The following THRB variants were observed in gnomAD, a reference collection of about 807,000 sequenced individuals.
The protein encoded by THRB is nuclear receptor subfamily 1 group A member 2.
A neutral mutation model predicts 47.8 loss-of-function variants in THRB; 12 were observed. The observed-to-expected ratio is 0.25, with a 90% CI of 0.16 to 0.41. The LOEUF (loss-of-function observed/expected upper bound fraction) is 0.41, where lower values mean the gene tolerates loss of function less well. Among genes scored for constraint, THRB ranks in the 10% least tolerant of loss-of-function variants. THRB has a pLI of 1.00. For synonymous variants in THRB, 218 were observed against 212.2 expected (o/e 1.03, Z -0.24); for missense variants, 348 against 589.2 (o/e 0.59, Z 4.24).
chr3:24,237,526 C>G (rs75646251), intron 3 of THRB, among the ~76,000 whole-genome samples: 3 of 152,144 alleles, frequency 2.0e-5, no homozygotes, highest in African/African-American at 7.2e-5. Flanking sequence ...TCATTGTCCT[C>G]TTCTCTCTCT....
intron 1 of THRB, among the ~76,000 whole-genome samples, chr3:24,419,651 G>A (rs1271384957): frequency 6.6e-6 from 1 of 151,906 alleles, no homozygotes; most frequent in Non-Finnish European, 1.5e-5. Flanking sequence ...GATGCAATCT[G>A]CAATTAGCTT....
intron 1 of THRB, among the ~76,000 whole-genome samples, chr3:24,446,351 G>A (rs1439441709): frequency 6.6e-6 from 1 of 152,066 alleles, no homozygotes; most frequent in Non-Finnish European, 1.5e-5. Flanking sequence ...TCCTCCTTCA[G>A]CTCTGGCCTC....
At chr3:24,354,301 A>G (rs1228760150) in intron 1 of THRB, among the ~76,000 whole-genome samples, 3 of 152,168 alleles carry the variant, frequency 2.0e-5, no homozygotes, top group African/African-American at 7.2e-5. Context: ...TGATGAAATA[A>G]TCTATACAAC....
chr3:24,456,470 G>A (rs1446644925), intron 1 of THRB, among the ~76,000 whole-genome samples: 1 of 151,934 alleles, frequency 6.6e-6, no homozygotes, highest in Non-Finnish European at 1.5e-5. Flanking sequence ...ATGAAATAGA[G>A]TTTTCTACAT....
chr3:24,320,653 T>C (rs2058423920), intron 2 of THRB, among the ~76,000 whole-genome samples: 1 of 152,076 alleles, frequency 6.6e-6, no homozygotes, highest in Non-Finnish European at 1.5e-5. Flanking sequence ...GTATTAAATA[T>C]CAAGTGTAAA....
intron 1 of THRB, among the ~76,000 whole-genome samples, chr3:24,391,905 G>A (rs977457456): frequency 1.2e-4 from 18 of 152,124 alleles, no homozygotes; most frequent in African/African-American, 4.3e-4. Flanking sequence ...TCACATCTTA[G>A]AGATGTGGAT....
intron 1 of THRB, among the ~76,000 whole-genome samples, chr3:24,350,180 G>C (rs556484407): frequency 5.3e-5 from 8 of 151,944 alleles, no homozygotes; most frequent in African/African-American, 1.9e-4. Context: ...ATCTATACAC[G>C]TCCACCAGAA....
intron 1 of THRB, among the ~76,000 whole-genome samples, chr3:24,363,379 T>C (rs940184896): frequency 1.3e-5 from 2 of 152,092 alleles, no homozygotes; most frequent in African/African-American, 2.4e-5. Context: ...CAAGAATAAA[T>C]CAGATAGAAT....
intron 4 of THRB, among the ~76,000 whole-genome samples, chr3:24,204,082 C>A (rs2044969543): frequency 6.6e-6 from 1 of 152,256 alleles, no homozygotes; most frequent in African/African-American, 2.4e-5. Context: ...CCTCTGGGGG[C>A]AGGGCATAGC....
chr3:24,223,174 C>T (rs2047327790), intron 4 of THRB, among the ~76,000 whole-genome samples: 1 of 152,216 alleles, frequency 6.6e-6, no homozygotes, highest in Admixed American at 6.5e-5. Flanking sequence ...AGGACCTCCA[C>T]CAATCAGGTT....
intron 2 of THRB, among the ~76,000 whole-genome samples, chr3:24,300,447 G>A (rs537829213): frequency 2.0e-5 from 3 of 152,172 alleles, no homozygotes; most frequent in African/African-American, 7.2e-5. Context: ...CCCAATTTCT[G>A]GGCATTCGCT....
chr3:24,327,701 T>C (rs544568709), intron 2 of THRB, among the ~76,000 whole-genome samples: 3 of 152,196 alleles, frequency 2.0e-5, no homozygotes, highest in Admixed American at 6.5e-5. Context: ...AAAGATGCTA[T>C]GGGATCAGAA....
At chr3:24,158,941 G>C (rs1057450912) in intron 5 of THRB, among the ~76,000 whole-genome samples, 1 of 152,036 alleles carries the variant, frequency 6.6e-6, no homozygotes, top group African/African-American at 2.4e-5. Context: ...TTAAAAGACG[G>C]CATGAATTAG....
intron 1 of THRB, among the ~76,000 whole-genome samples, chr3:24,433,567 C>T (rs377442100): frequency 3.3e-5 from 5 of 152,126 alleles, no homozygotes; most frequent in Admixed American, 6.5e-5. Context: ...TCATTTCTGA[C>T]GTCTGACCTC....
At chr3:24,190,386 T>C (rs1478060484) in intron 4 of THRB, 52 bp from the exon 5 acceptor site, 1 of 1,612,228 alleles carries the variant, frequency 6.2e-7, no homozygotes, top group African/African-American at 1.3e-5. Context: ...GTCAAGATTT[T>C]GCTGAGATGC....
chr3:24,308,765 A>G (rs2057537733), intron 2 of THRB, among the ~76,000 whole-genome samples: 2 of 152,156 alleles, frequency 1.3e-5, no homozygotes, highest in Admixed American at 6.5e-5. Flanking sequence ...TTAATTGAAT[A>G]TGTTTTCTTT....
At chr3:24,336,722 C>CCTTTTTTTTTTTTTTT (rs1167185445) in intron 2 of THRB, among the ~76,000 whole-genome samples, 2 of 135,960 alleles carry the variant, frequency 1.5e-5, no homozygotes, top group African/African-American at 2.7e-5. Context: ...AATTCTCATG[C>CCTTTTTTTTTTTTTTT]TTTTTTTTTT....
chr3:24,176,311 G>T (rs1035416480), intron 5 of THRB, among the ~76,000 whole-genome samples: 2 of 152,008 alleles, frequency 1.3e-5, no homozygotes, highest in African/African-American at 2.4e-5. Context: ...CACAATGATC[G>T]ACTTGATGTG....
chr3:24,410,787 A>G (rs1306187554), intron 1 of THRB, among the ~76,000 whole-genome samples: 1 of 151,838 alleles, frequency 6.6e-6, no homozygotes, highest in East Asian at 2.0e-4. Flanking sequence ...ACCTTCTAAA[A>G]CTGCAGCTAT....
Sources: allele counts gnomAD v4.1 joint callset (sites outside exome capture counted in the v4.1 genomes callset), GRCh38; gene constraint gnomAD v4.1.1; transcripts MANE v1.5; gene names NCBI Gene and HGNC (gene_info 2026-07-23, HGNC 2026-07-21).